HSPB8: variants seen among roughly 807,000 people sequenced by gnomAD.
The protein encoded by HSPB8 is heat shock protein family B (small) member 8.
A neutral mutation model predicts 16.5 loss-of-function variants in HSPB8; 9 were observed. The observed-to-expected ratio is 0.55, with a 90% CI of 0.33 to 0.95. The LOEUF (loss-of-function observed/expected upper bound fraction) is 0.95. HSPB8 is among the 40% of genes least tolerant of loss of function. The pLI is 0.03. For missense variants in HSPB8, 238 were observed against 251.2 expected, an observed-to-expected ratio of 0.95 and a Z score of 0.35; for synonymous variants, 99 against 94.8, an observed-to-expected ratio of 1.04 and a Z score of -0.26.
In HSPB8 at chr12:119,194,711, A is replaced by G; in HGVS notation, c.*853A>G. 1.9e-5 allele frequency: 3 copies of G among 156,816 alleles called. No homozygotes were observed. Among genetic ancestry groups the G allele is most frequent in the East Asian group, 1.8e-4 (2 of 11,348 alleles). 9.7% of individuals were successfully genotyped at this position (156,816 alleles called of 1,614,324 possible). On this transcript the variant is annotated 3_prime_UTR_variant, in exon 3 of 3. Transcript: ENST00000281938. ...GGTAAATAACAGTAAATAATTAATAATAATAATAATAATAATAAAGGAGCT... is the reference window on the plus strand; with the variant it reads ...GGTAAATAACAGTAAATAATTAATAGTAATAATAATAATAATAAAGGAGCT...
At position 119,179,429 on chromosome 12, in the gene HSPB8, C is replaced by T. The variant is rs775152699; in HGVS notation, c.117C>T (p.Pro39=). ...TGGATGATGGCTTTGGCATGGACCCCTTCCCAGACGACTTGACAGCCTCTT... is the reference window on the plus strand; with the variant it reads ...TGGATGATGGCTTTGGCATGGACCCTTTCCCAGACGACTTGACAGCCTCTT... ...RLLDDGFGMD[P]FPDDLTASWP... Residue 39 remains proline, a synonymous_variant, in exon 1 of 3, where the codon CCC becomes CCT. Transcript: ENST00000281938. 3 of 1,614,138 alleles carry T rather than the reference C, an allele frequency of 1.9e-6. No homozygotes were observed. Among genetic ancestry groups the T allele is most frequent in the Admixed American group, 1.7e-5 (1 of 60,018 alleles).
chr12:119,186,127 T>G (rs909952615), intron 1 of HSPB8, among the ~76,000 whole-genome samples: 1 of 152,216 alleles, frequency 6.6e-6, no homozygotes, highest in Non-Finnish European at 1.5e-5. Context: ...ATGTGCTATA[T>G]ACATTACAAG....
chr12:119,191,673 G>T (rs1181782049), intron 2 of HSPB8, among the ~76,000 whole-genome samples: 2 of 151,930 alleles, frequency 1.3e-5, no homozygotes, highest in African/African-American at 4.8e-5. Context: ...CTCATGCCTT[G>T]GTTCTTTCAT....
At chr12:119,181,925 A>G (rs1954640496) in intron 1 of HSPB8, 1 of 152,200 alleles carries the variant, frequency 6.6e-6, no homozygotes, top group African/African-American at 2.4e-5. Context: ...GCACTCTGTA[A>G]ACAGACCGAT....
intron 1 of HSPB8, among the ~76,000 whole-genome samples, chr12:119,180,001 G>T (rs1954626794): frequency 6.6e-6 from 1 of 152,126 alleles, no homozygotes; most frequent in African/African-American, 2.4e-5. Flanking sequence ...AGATATCAAA[G>T]AATTAAAAAA....
At chr12:119,191,182 C>CTA (rs1433359286) in intron 2 of HSPB8, among the ~76,000 whole-genome samples, 38 of 152,140 alleles carry the variant, frequency 2.5e-4, no homozygotes, top group South Asian at 1.0e-3. Context: ...GAGGTGGGTA[C>CTA]TATTATTGCC....
At chr12:119,189,064 A>C (rs944338150) in intron 2 of HSPB8, among the ~76,000 whole-genome samples, 12 of 152,110 alleles carry the variant, frequency 7.9e-5, no homozygotes, top group Non-Finnish European at 1.5e-4. Flanking sequence ...ACTTCCTGAT[A>C]AGGCAAACGC....
chr12:119,192,116 GA>G (rs1469926343), intron 2 of HSPB8, among the ~76,000 whole-genome samples: 1 of 152,086 alleles, frequency 6.6e-6, no homozygotes, highest in Non-Finnish European at 1.5e-5. Flanking sequence ...GTTTGTTGAA[GA>G]AACCAAATTC....
chr12:119,186,740 GT>G (rs1224544539), intron 1 of HSPB8: 2 of 429,624 alleles, frequency 4.7e-6, no homozygotes, highest in Non-Finnish European at 8.7e-6. Context: ...CAACACAGAA[GT>G]TTCTGCGATT....
chr12:119,191,200 T>C (rs1410129935), intron 2 of HSPB8, among the ~76,000 whole-genome samples: 2 of 152,212 alleles, frequency 1.3e-5, no homozygotes, highest in East Asian at 3.8e-4. Flanking sequence ...GCCCCCTTTT[T>C]TTCTGCAAAG....
intron 1 of HSPB8, among the ~76,000 whole-genome samples, chr12:119,183,936 G>A (rs1954655714): frequency 6.6e-6 from 1 of 152,122 alleles, no homozygotes; most frequent in African/African-American, 2.4e-5. Context: ...CCTTCACATG[G>A]TACTTTTACA....
At chr12:119,193,147 G>A (rs1293746562) in intron 2 of HSPB8, among the ~76,000 whole-genome samples, 3 of 152,126 alleles carry the variant, frequency 2.0e-5, no homozygotes, top group African/African-American at 7.2e-5. Context: ...TCTACATGTG[G>A]CCAGCTTGGC....
intron 2 of HSPB8, 43 bp downstream of exon 2, chr12:119,187,131 A>AG: frequency 5.9e-6 from 9 of 1,513,442 alleles, no homozygotes; most frequent in Non-Finnish European, 8.3e-6. Flanking sequence ...GGAGTGGAGG[A>AG]GGGGGCACAC....
chr12:119,182,881 T>C (rs1349940171), intron 1 of HSPB8: 1 of 152,160 alleles, frequency 6.6e-6, no homozygotes, highest in African/African-American at 2.4e-5. Context: ...CACCTGAGAT[T>C]ACCCACTTCT....
intron 2 of HSPB8, among the ~76,000 whole-genome samples, chr12:119,187,555 G>A (rs1423711667): frequency 1.3e-5 from 2 of 151,986 alleles, no homozygotes; most frequent in Admixed American, 6.6e-5. Flanking sequence ...ATGGGGTTTC[G>A]CCATGTTGCC....
chr12:119,189,405 C>T (rs1304274008), intron 2 of HSPB8, among the ~76,000 whole-genome samples: 1 of 150,516 alleles, frequency 6.6e-6, no homozygotes, highest in African/African-American at 2.5e-5. Context: ...TGAGAAATGC[C>T]TGAAATTGCT....
chr12:119,194,368 T>G lies in HSPB8; in HGVS notation c.*510T>G, dbSNP rs1954731779. On this transcript the variant is annotated 3_prime_UTR_variant, in exon 3 of 3. Coordinates refer to ENST00000281938, the MANE Select transcript of HSPB8 (RefSeq NM_014365.3). ...GTGATATACAGGTCTTATATCCCCATATGGAATTTATCCATCAACCACATA... is the reference window on the plus strand; with the variant it reads ...GTGATATACAGGTCTTATATCCCCAGATGGAATTTATCCATCAACCACATA... 9.7e-6 allele frequency: 2 copies of G among 206,428 alleles called. No homozygotes were observed. The highest frequency in any genetic ancestry group is 1.8e-4 in the South Asian group (2 of 10,922). 12.8% of individuals were successfully genotyped at this position (206,428 alleles called of 1,614,324 possible).
At position 119,194,111 on chromosome 12, in the gene HSPB8, A is replaced by G; in HGVS notation, c.*253A>G. 2 of 537,722 alleles carry G rather than the reference A, an allele frequency of 3.7e-6. No individual in the cohort carries two copies. The highest frequency in any genetic ancestry group is 6.7e-6 in the Non-Finnish European group (2 of 297,894). The allele number at this position is 537,722 out of a possible 1,614,324, so 33.3% of individuals were successfully genotyped here. ...TTTCTTTACCTTTTCTATCTTGATGAAAATGTTGCACATTCTATAGTTGCA... is the reference window on the plus strand; with the variant it reads ...TTTCTTTACCTTTTCTATCTTGATGGAAATGTTGCACATTCTATAGTTGCA... On this transcript the variant is annotated 3_prime_UTR_variant, in exon 3 of 3. Transcript: ENST00000281938.
At chr12:119,189,640 C>T (rs1413845923) in intron 2 of HSPB8, among the ~76,000 whole-genome samples, 1 of 152,178 alleles carries the variant, frequency 6.6e-6, no homozygotes, top group Admixed American at 6.5e-5. Flanking sequence ...CTATGAGAAT[C>T]TAATGCCACT....
Sources: allele counts gnomAD v4.1 joint callset (sites outside exome capture counted in the v4.1 genomes callset), GRCh38; gene constraint gnomAD v4.1.1; transcripts MANE v1.5; gene names NCBI Gene and HGNC (gene_info 2026-07-23, HGNC 2026-07-21).